EIF1AX: variants seen among roughly 807,000 people sequenced by gnomAD.
EIF1AX encodes eukaryotic translation initiation factor 1A X-linked.
In EIF1AX, 1 loss-of-function variant was observed where a neutral mutation model predicts 16.1. That is an observed-to-expected ratio of 0.06 (90% confidence interval 0.02 to 0.30). EIF1AX has a LOEUF of 0.30. EIF1AX is among the 10% of genes least tolerant of loss of function. The pLI is 1.00. For missense variants in EIF1AX, 11 were observed against 109.1 expected, an observed-to-expected ratio of 0.10 and a Z score of 4.00; for synonymous variants, 32 against 37.3, an observed-to-expected ratio of 0.86 and a Z score of 0.51.
At chrX:20,139,131 C>G (rs1442977096) in intron 1 of EIF1AX, among the ~76,000 whole-genome samples, 1 of 111,597 alleles carries the variant, frequency 9.0e-6, no homozygotes, top group Non-Finnish European at 1.9e-5. Context: ...CGCCTAGGGT[C>G]TCAGCTACTC....
intron 2 of EIF1AX, 56 bp downstream of exon 2, chrX:20,138,483 C>G: frequency 1.0e-6 from 1 of 983,705 alleles, no homozygotes. Context: ...AATAAAGTCC[C>G]CAGCTAAAAA....
intron 2 of EIF1AX, 93 bp from the exon 3 acceptor site, chrX:20,135,934 T>A: frequency 1.6e-6 from 1 of 621,943 alleles, no homozygotes; most frequent in Non-Finnish European, 2.7e-6. Context: ...AGAATAAAGT[T>A]GCACCAGTTG....
intron 1 of EIF1AX, among the ~76,000 whole-genome samples, chrX:20,140,846 G>GT (rs1242270286): frequency 9.5e-6 from 1 of 105,770 alleles, no homozygotes; most frequent in Non-Finnish European, 2.0e-5. Context: ...TCTGTTTTTT[G>GT]TTTTTGTTTT....
Position 20,138,972 on chromosome X carries a change from T to C in EIF1AX, c.17-350A>G, listed in dbSNP as rs186281727. Among the ~76,000 whole-genome samples the C allele has an allele frequency of 1.6e-3, 179 of 112,721 alleles. 1 individual carries two copies. Among genetic ancestry groups the C allele is most frequent in the Non-Finnish European group, 3.0e-3 (161 of 53,342 alleles). On this transcript the variant is annotated intron_variant, in intron 1 of 6. Coordinates refer to ENST00000379607, the MANE Select transcript of EIF1AX (RefSeq NM_001412.4). Reference sequence around the variant, plus strand: ...ATACATATTCTTCTAAGCGGAAATCTTGGGTGTCTTCTAAAGCCAGGCCCT... The same window carrying C: ...ATACATATTCTTCTAAGCGGAAATCCTGGGTGTCTTCTAAAGCCAGGCCCT...
Position 20,125,061 on chromosome X carries a change from T to A in EIF1AX, c.*3245A>T, listed in dbSNP as rs1461751982. Reference sequence around the variant, plus strand: ...CAACAATTCTGCATGACAGGTACTGTTTTCATCATCCCCATCTTAGAGGTG... The same window carrying A: ...CAACAATTCTGCATGACAGGTACTGATTTCATCATCCCCATCTTAGAGGTG... On this transcript the variant is annotated 3_prime_UTR_variant, in exon 7 of 7. Coordinates refer to ENST00000379607, the MANE Select transcript of EIF1AX (RefSeq NM_001412.4). 1 of 144,183 alleles carries A rather than the reference T, an allele frequency of 6.9e-6. No homozygotes were observed. The allele number at this position is 144,183 out of a possible 1,213,427, so 11.9% of individuals were successfully genotyped here. A position where few individuals can be genotyped will look rare whatever the true frequency, so the allele number is the denominator to read the frequency against.
At chrX:20,136,246 C>A (rs80130959) in intron 2 of EIF1AX, 2 of 356,095 alleles carry the variant, frequency 5.6e-6, no homozygotes, top group South Asian at 5.0e-5. Context: ...CACACACACA[C>A]CCCCCACACA....
rs183991949 is a variant in EIF1AX at position 20,141,786 on chromosome X, G to A, written c.-146C>T. On this transcript the variant is annotated 5_prime_UTR_variant, in exon 1 of 7. Transcript: ENST00000379607. Reference sequence around the variant, plus strand: ...GGCAACGTGCGCGGGAGAGGCTGGCGACCCAGCTCTTCAGAGATCCGCCTG... The same window carrying A: ...GGCAACGTGCGCGGGAGAGGCTGGCAACCCAGCTCTTCAGAGATCCGCCTG... 1.7e-5 allele frequency: 10 copies of A among 577,356 alleles called. No individual in the cohort carries two copies. Among genetic ancestry groups the A allele is most frequent in the East Asian group, 8.8e-5 (2 of 22,724 alleles). The allele number at this position is 577,356 out of a possible 1,213,427, so 47.6% of individuals were successfully genotyped here.
At chrX:20,129,897 T>C (rs763123824) in intron 6 of EIF1AX, among the ~76,000 whole-genome samples, 1 of 112,694 alleles carries the variant, frequency 8.9e-6, no homozygotes, top group Non-Finnish European at 1.9e-5. Flanking sequence ...TTAATGGCTA[T>C]CTCTTTAGAG....
At position 20,125,162 on chromosome X, in the gene EIF1AX, G is replaced by A. The variant is rs949968034; in HGVS notation, c.*3144C>T. The A allele has an allele frequency of 1.3e-5, 2 of 152,707 alleles. No homozygotes were observed. The highest frequency in any genetic ancestry group is 3.1e-5 in the African/African-American group (1 of 32,623). 12.6% of individuals were successfully genotyped at this position (152,707 alleles called of 1,213,427 possible). A position where few individuals can be genotyped will look rare whatever the true frequency, so the allele number is the denominator to read the frequency against. ...GGTAGAGGGCCAAGTAAGGGTGGGG[G>A]CAAAGGCCCTTTGACCCCAGGATCC... On this transcript the variant is annotated 3_prime_UTR_variant, in exon 7 of 7. Coordinates refer to ENST00000379607, the MANE Select transcript of EIF1AX (RefSeq NM_001412.4).
At chrX:20,130,657 A>C (rs755662616) in intron 5 of EIF1AX, 50 bp from the exon 6 acceptor site, 2 of 1,079,995 alleles carry the variant, frequency 1.9e-6, no homozygotes, top group Non-Finnish European at 2.4e-6. Flanking sequence ...AATTTACTCA[A>C]AGTTTCATCA....
At chrX:20,129,231 C>G (rs2066994007) in intron 6 of EIF1AX, among the ~76,000 whole-genome samples, 1 of 111,424 alleles carries the variant, frequency 9.0e-6, no homozygotes, top group Non-Finnish European at 1.9e-5. Flanking sequence ...TGGTCAGGAA[C>G]AACTGCTCTA....
rs372107810 is a variant in EIF1AX at position 20,132,157 on chromosome X, G to A, written c.337+25C>T. The A allele has an allele frequency of 3.1e-5, 35 of 1,142,072 alleles. No individual in the cohort carries two copies. The African/African-American group carries it at 5.1e-4, about 17-fold the overall frequency. The allele number at this position is 1,142,072 out of a possible 1,213,427, so 94.1% of individuals were successfully genotyped here. Reference sequence around the variant, plus strand: ...ACATAACCTAAATACCATATGACAAGTTAATACAGTAACTCAGACATTACC... The same window carrying A: ...ACATAACCTAAATACCATATGACAAATTAATACAGTAACTCAGACATTACC... On this transcript the variant is annotated intron_variant, in intron 5 of 6. Coordinates refer to ENST00000379607, the MANE Select transcript of EIF1AX (RefSeq NM_001412.4).
At chrX:20,133,056 G>A (rs766448183) in intron 4 of EIF1AX, among the ~76,000 whole-genome samples, 3 of 111,320 alleles carry the variant, frequency 2.7e-5, no homozygotes, top group Non-Finnish European at 3.8e-5. Context: ...AGATGCTATC[G>A]AGCCATTGAC....
rs1178308669 is a variant in EIF1AX at position 20,125,474 on chromosome X, A to G, written c.*2832T>C. 2 of 170,264 alleles carry G rather than the reference A, an allele frequency of 1.2e-5. No individual in the cohort carries two copies. The highest frequency in any genetic ancestry group is 5.9e-5 in the African/African-American group (2 of 33,818). The allele number at this position is 170,264 out of a possible 1,213,427, so 14.0% of individuals were successfully genotyped here. On this transcript the variant is annotated 3_prime_UTR_variant, in exon 7 of 7. Transcript: ENST00000379607. The stretch of plus-strand genomic sequence containing the variant: ...AAAACTTACCCTTACGAAGTAGAAT[A>G]AAGATAAGCATTTCATACCAATACA...
At chrX:20,140,852 G>GT (rs1231473739) in intron 1 of EIF1AX, among the ~76,000 whole-genome samples, 1,930 of 98,087 alleles carry the variant, frequency 0.02, 13 homozygotes, top group Admixed American at 0.026. Flanking sequence ...TTTTGTTTTT[G>GT]TTTTTTTTTT....
chrX:20,129,693 C>T (rs1385362881), intron 6 of EIF1AX, among the ~76,000 whole-genome samples: 2 of 112,232 alleles, frequency 1.8e-5, no homozygotes, highest in Non-Finnish European at 3.8e-5. Flanking sequence ...AGTTTGCCAA[C>T]AGTACACACC....
chrX:20,139,931 G>A (rs1289956428), intron 1 of EIF1AX: 1 of 112,357 alleles, frequency 8.9e-6, no homozygotes, highest in Non-Finnish European at 1.9e-5. Context: ...TGTTATTTAA[G>A]AAAAGACTAA....
intron 3 of EIF1AX, among the ~76,000 whole-genome samples, chrX:20,135,515 T>C (rs1053474047): frequency 3.6e-5 from 4 of 111,788 alleles, no homozygotes; most frequent in South Asian, 3.7e-4. Context: ...TTTGGACTTT[T>C]TGGGCAGGAA....
Position 20,138,600 on chromosome X carries a change from G to A in EIF1AX, c.39C>T (p.Arg13=). Residue 13 remains arginine (R), a synonymous_variant, in exon 2 of 7, where the codon CGC becomes CGT. Coordinates refer to ENST00000379607, the MANE Select transcript of EIF1AX (RefSeq NM_001412.4). ...CAGATTCATTCTCATTCTTACCCCT[G>A]CGTCTGTTTTTACCTCCTTTACCTG... ...KNKGKGGKNR[R]RGKNENESEK... is the part of the protein sequence containing the mutation. 2 of 1,199,157 alleles carry A rather than the reference G, an allele frequency of 1.7e-6. No homozygotes were observed. Among genetic ancestry groups the A allele is most frequent in the Non-Finnish European group, 2.3e-6 (2 of 887,067 alleles).
Sources: allele counts gnomAD v4.1 joint callset (sites outside exome capture counted in the v4.1 genomes callset), GRCh38; gene constraint gnomAD v4.1.1; transcripts MANE v1.5; gene names NCBI Gene and HGNC (gene_info 2026-07-23, HGNC 2026-07-21).